The following LDLRAD3 variants were observed in gnomAD, a reference collection of about 807,000 sequenced individuals.
LDLRAD3 encodes low-density lipoprotein receptor class A domain-containing protein 3.
Under a neutral mutation model 29.4 loss-of-function variants are expected in LDLRAD3, and 20 were observed. The observed-to-expected ratio is 0.68, with a 90% CI of 0.48 to 0.99. The LOEUF is 0.99. Among genes scored for constraint, LDLRAD3 ranks in the 50% least tolerant of loss-of-function variants. The probability of loss-of-function intolerance (pLI) is 0.00; values close to 1 mark genes in which losing one functional copy is unlikely to be tolerated. For synonymous variants in LDLRAD3, 157 were observed against 192.7 expected (o/e 0.81, Z 1.53); for missense variants, 420 against 454.3 (o/e 0.92, Z 0.69).
intron 4 of LDLRAD3, among the ~76,000 whole-genome samples, chr11:36,099,030 TAAC>T (rs1273609176): frequency 6.6e-6 from 1 of 152,138 alleles, no homozygotes; most frequent in Non-Finnish European, 1.5e-5. Flanking sequence ...AGTCATAGAA[TAAC>T]AACCTCCCCA....
At chr11:36,172,221 C>G (rs1257397927) in intron 4 of LDLRAD3, among the ~76,000 whole-genome samples, 2 of 152,024 alleles carry the variant, frequency 1.3e-5, no homozygotes, top group African/African-American at 4.8e-5. Flanking sequence ...CTAGGAGACT[C>G]TAGAAGATCC....
chr11:36,025,474 C>T (rs969862794), intron 1 of LDLRAD3, among the ~76,000 whole-genome samples: 1 of 151,078 alleles, frequency 6.6e-6, no homozygotes, highest in Non-Finnish European at 1.5e-5. Flanking sequence ...CTGCAAGCAC[C>T]GCCTCCAGGG....
At chr11:36,136,303 T>C (rs905838101) in intron 4 of LDLRAD3, among the ~76,000 whole-genome samples, 3 of 152,166 alleles carry the variant, frequency 2.0e-5, no homozygotes, top group Admixed American at 2.0e-4. Flanking sequence ...AGATCCTGTT[T>C]TTCCTATTTC....
rs935240282 is a variant in LDLRAD3, at chr11:36,054,551, A to G, written c.193+18302A>G. Among the ~76,000 whole-genome samples the G allele has an allele frequency of 2.0e-5, 3 of 152,218 alleles. No homozygotes were observed. The South Asian group carries it at 6.2e-4, about 32-fold the overall frequency. On this transcript the variant is annotated intron_variant, in intron 2 of 5. Transcript: ENST00000315571. ...GAAACATGCCCTCTGGCATCTTCCC[A>G]GAGATGCTGGCTATTTACAGGATTG...
At chr11:36,115,477 G>A (rs138044983) in intron 4 of LDLRAD3, among the ~76,000 whole-genome samples, 103 of 152,188 alleles carry the variant, frequency 6.8e-4, no homozygotes, top group African/African-American at 2.3e-3. Flanking sequence ...ACCTTTCACT[G>A]GACCCCCGCT....
chr11:35,995,291 A>G (rs1782449930), intron 1 of LDLRAD3, among the ~76,000 whole-genome samples: 1 of 152,228 alleles, frequency 6.6e-6, no homozygotes, highest in Admixed American at 6.5e-5. Flanking sequence ...ATCTTCTTGA[A>G]TGTCTCCAAC....
chr11:36,225,331 G>C (rs1034458732), intron 4 of LDLRAD3, among the ~76,000 whole-genome samples: 1 of 152,202 alleles, frequency 6.6e-6, no homozygotes, highest in African/African-American at 2.4e-5. Flanking sequence ...GCAGCTCTCT[G>C]TAAAGATGAG....
At position 36,082,788 on chromosome 11, in the gene LDLRAD3, A is replaced by G. The variant is rs368127433; in HGVS notation, c.319+1010A>G. ...TCCTTTTAGCATCCTGCTGTCCACAATGACTTTGCGTACAGCAGCCTCAGT... is the reference window on the plus strand; with the variant it reads ...TCCTTTTAGCATCCTGCTGTCCACAGTGACTTTGCGTACAGCAGCCTCAGT... On this transcript the variant is annotated intron_variant, in intron 3 of 5. Transcript: ENST00000315571. 3.1e-4 allele frequency among the ~76,000 whole-genome samples: 47 copies of G among 152,276 alleles called. No individual in the cohort carries two copies. The East Asian group carries it at 6.2e-3, about 20-fold the overall frequency.
At chr11:35,994,217 T>A (rs999046542) in intron 1 of LDLRAD3, among the ~76,000 whole-genome samples, 10 of 150,962 alleles carry the variant, frequency 6.6e-5, no homozygotes, top group African/African-American at 2.2e-4. Context: ...TCCTAGTATA[T>A]ATAAAAGTGA....
intron 4 of LDLRAD3, among the ~76,000 whole-genome samples, chr11:36,204,250 G>A (rs1855171743): frequency 6.6e-6 from 1 of 152,106 alleles, no homozygotes; most frequent in Admixed American, 6.5e-5. Context: ...CATAAATATG[G>A]CATAGCAAGG....
chr11:35,986,139 G>T (rs892425582), intron 1 of LDLRAD3, among the ~76,000 whole-genome samples: 1 of 152,110 alleles, frequency 6.6e-6, no homozygotes, highest in African/African-American at 2.4e-5. Flanking sequence ...TAGGTTAGGG[G>T]CCACAAAAAT....
chr11:36,142,763 G>A (rs970084048), intron 4 of LDLRAD3, among the ~76,000 whole-genome samples: 1 of 152,152 alleles, frequency 6.6e-6, no homozygotes, highest in Non-Finnish European at 1.5e-5. Context: ...GCAGGAGGGC[G>A]CTTTCTGCAT....
chr11:36,086,509 G>A (rs1853198399), intron 3 of LDLRAD3, among the ~76,000 whole-genome samples: 1 of 152,164 alleles, frequency 6.6e-6, no homozygotes, highest in Non-Finnish European at 1.5e-5. Context: ...CTATTTGGAT[G>A]TATCCTGCCT....
intron 2 of LDLRAD3, among the ~76,000 whole-genome samples, chr11:36,038,715 C>T (rs912488406): frequency 6.6e-6 from 1 of 152,168 alleles, no homozygotes; most frequent in Non-Finnish European, 1.5e-5. Context: ...CTTGGCTATT[C>T]TCCATTATTT....
rs931611300 is a variant in LDLRAD3 at position 36,230,595 on chromosome 11, T to C, written c.*1198T>C. On this transcript the variant is annotated 3_prime_UTR_variant, in exon 6 of 6. Transcript: ENST00000315571. ...CCAGTAGTTTCTCCTCTGAGACACA[T>C]GGGCAAGAGACAATTTGGAGTCAAG... 1.3e-5 allele frequency: 2 copies of C among 152,676 alleles called. No individual in the cohort carries two copies. Among genetic ancestry groups the C allele is most frequent in the Non-Finnish European group, 2.9e-5 (2 of 68,048 alleles). 9.5% of individuals were successfully genotyped at this position (152,676 alleles called of 1,614,324 possible).
intron 4 of LDLRAD3, among the ~76,000 whole-genome samples, chr11:36,140,327 A>G (rs893550459): frequency 6.6e-6 from 1 of 152,124 alleles, no homozygotes; most frequent in Non-Finnish European, 1.5e-5. Flanking sequence ...GAGGATGCGC[A>G]TACGCTCATT....
At position 35,986,766 on chromosome 11, in the gene LDLRAD3, C is replaced by T. The variant is rs563727707; in HGVS notation, c.46+42622C>T. ...CCATTGACCCAAACTAGTCACGTGG[C>T]CCTGCCTAACCTGGGAAATGGGAGG... On this transcript the variant is annotated intron_variant, in intron 1 of 5. Coordinates refer to ENST00000315571, the MANE Select transcript of LDLRAD3 (RefSeq NM_174902.4). 5.3e-5 allele frequency among the ~76,000 whole-genome samples: 8 copies of T among 152,348 alleles called. No homozygotes were observed. In the South Asian group the frequency reaches 8.3e-4, roughly 16 times the overall value.
chr11:35,996,964 AAT>A (rs1235109499), intron 1 of LDLRAD3, among the ~76,000 whole-genome samples: 3 of 152,162 alleles, frequency 2.0e-5, no homozygotes, highest in Non-Finnish European at 2.9e-5. Flanking sequence ...TACCTTTGGG[AAT>A]ATAGTGTCTG....
intron 2 of LDLRAD3, among the ~76,000 whole-genome samples, chr11:36,068,062 T>C (rs1046360204): frequency 1.3e-5 from 2 of 152,180 alleles, no homozygotes; most frequent in Non-Finnish European, 2.9e-5. Context: ...TTTTTCGTTC[T>C]CTTTCTCTTG....
Sources: gnomAD v4.1 joint callset for allele counts (sites outside exome capture counted in the v4.1 genomes callset) on GRCh38, gnomAD v4.1.1 for gene constraint, MANE v1.5 for transcripts, NCBI Gene and HGNC (gene_info 2026-07-23, HGNC 2026-07-21) for gene names.